The following ASTN2 variants were observed in gnomAD, a reference collection of about 807,000 sequenced individuals.
ASTN2 encodes astrotactin-2.
ASTN2 carries 54 observed loss-of-function variants against 139.8 expected under a neutral mutation model. That is an observed-to-expected ratio of 0.39 (90% CI 0.31 to 0.48). The LOEUF (loss-of-function observed/expected upper bound fraction) is 0.48. ASTN2 is among the 20% of genes least tolerant of loss of function. The pLI is 0.95. For missense variants in ASTN2, 1,565 were observed against 1,725.1 expected (o/e 0.91, Z 1.64); for synonymous variants, 756 against 719.5 (o/e 1.05, Z -0.81).
At position 116,733,554 on chromosome 9, in the gene ASTN2, C is replaced by T. The variant is rs111380470; in HGVS notation, c.2397-31G>A. 2.7e-5 allele frequency: 44 copies of T among 1,613,630 alleles called. 2 individuals carry two copies. Among genetic ancestry groups the T allele is most frequent in the African/African-American group, 1.7e-4 (13 of 75,028 alleles). ...GAGAGGAGCAGAGAGACTGCCAAATCGAGGAAGTGGAGACTGCTGAGGACT... is the reference window on the plus strand; with the variant it reads ...GAGAGGAGCAGAGAGACTGCCAAATTGAGGAAGTGGAGACTGCTGAGGACT... On this transcript the variant is annotated intron_variant, in intron 13 of 22. Transcript: ENST00000313400.
chr9:116,975,948 T>C (rs1329829383), intron 9 of ASTN2, among the ~76,000 whole-genome samples, 166 bp downstream of exon 9: 1 of 152,192 alleles, frequency 6.6e-6, no homozygotes, highest in East Asian at 1.9e-4. Flanking sequence ...TAGATTCCCA[T>C]AGCAACCTGC....
chr9:116,711,595 TAGACTC>T (rs1479231137), intron 16 of ASTN2, among the ~76,000 whole-genome samples: 4 of 152,138 alleles, frequency 2.6e-5, no homozygotes, highest in Admixed American at 1.3e-4. Flanking sequence ...TTAGGAATCT[TAGACTC>T]AGTATATTCA....
intron 10 of ASTN2, among the ~76,000 whole-genome samples, 165 bp downstream of exon 10, chr9:116,975,043 G>C (rs913651684): frequency 7.2e-5 from 11 of 152,198 alleles, no homozygotes; most frequent in African/African-American, 2.2e-4. Flanking sequence ...GAGACACAGT[G>C]ATGGAGGTCA....
chr9:116,620,416 A>G lies in ASTN2; in HGVS notation c.3100T>C (p.Tyr1034His), dbSNP rs1463784626. 1 of 1,614,070 alleles carries G rather than the reference A, an allele frequency of 6.2e-7. No individual in the cohort carries two copies. Among genetic ancestry groups the G allele is most frequent in the Non-Finnish European group, 8.5e-7 (1 of 1,180,018 alleles). The change falls in exon 18 of 23, where the codon TAC (tyrosine) becomes CAC (histidine). Residue 1034 changes from tyrosine to histidine, a missense_variant. Tyr to His is a moderately conservative substitution (Grantham distance 83). Coordinates refer to ENST00000313400, the MANE Select transcript of ASTN2 (RefSeq NM_001365068.1). ...ACATCCCCTTTCCCTGAGCACCAGT[A>G]GGAACTCATCAGTGCACTCTTGAAG... ...EAFKSALMSS[Y>H]WCSGKGDVID...
intron 13 of ASTN2, among the ~76,000 whole-genome samples, chr9:116,750,776 T>G (rs1216746507): frequency 6.6e-6 from 1 of 152,114 alleles, no homozygotes; most frequent in East Asian, 1.9e-4. Context: ...CATTAGCCAG[T>G]TTGCTTCATA....
At chr9:116,615,309 CAG>C (rs1210357506) in intron 19 of ASTN2, among the ~76,000 whole-genome samples, 3 of 152,184 alleles carry the variant, frequency 2.0e-5, no homozygotes, top group Non-Finnish European at 2.9e-5. Context: ...TTGTGGAAGA[CAG>C]TGTGGCGATT....
intron 1 of ASTN2, among the ~76,000 whole-genome samples, chr9:117,317,840 C>T (rs1272612804): frequency 2.6e-5 from 4 of 152,158 alleles, no homozygotes; most frequent in Non-Finnish European, 5.9e-5. Context: ...ACTGGCAGGT[C>T]CCTGACTCCC....
intron 10 of ASTN2, among the ~76,000 whole-genome samples, chr9:116,911,081 T>C (rs1834297358): frequency 6.6e-6 from 1 of 152,230 alleles, no homozygotes; most frequent in African/African-American, 2.4e-5. Context: ...GTGATTTTTA[T>C]AGCAAAGCAA....
chr9:116,767,562 CGT>C (rs1367033787), intron 13 of ASTN2, among the ~76,000 whole-genome samples: 1 of 152,186 alleles, frequency 6.6e-6, no homozygotes, highest in African/African-American at 2.4e-5. Context: ...ACTAATAAAG[CGT>C]GTGGCTGTGA....
In ASTN2 at chr9:116,801,608, A is replaced by G. The variant is rs77965437; in HGVS notation, c.2396+4024T>C. Among the ~76,000 whole-genome samples, 685 of 147,930 alleles carry G rather than the reference A, an allele frequency of 4.6e-3. 10 individuals carry two copies. Among genetic ancestry groups the G allele is most frequent in the African/African-American group, 0.016 (641 of 38,948 alleles). The stretch of plus-strand genomic sequence containing the variant: ...CTCAAAAAAAAAAAAAAAAAAAAAA[A>G]AAAAAGAAAGAAAGAAAAAGAAAGA... On this transcript the variant is annotated intron_variant, in intron 13 of 22. Coordinates refer to ENST00000313400, the MANE Select transcript of ASTN2 (RefSeq NM_001365068.1).
intron 10 of ASTN2, among the ~76,000 whole-genome samples, chr9:116,910,124 T>G (rs1040940628): frequency 3.9e-5 from 6 of 152,170 alleles, no homozygotes; most frequent in East Asian, 1.9e-4. Flanking sequence ...CCAAATTTTT[T>G]GGGGCCTGAG....
At position 116,933,979 on chromosome 9, in the gene ASTN2, C is replaced by CTTTTTTTT. The variant is rs148724828; in HGVS notation, c.1889+41221_1889+41228dup. On this transcript the variant is annotated intron_variant, in intron 10 of 22. Coordinates refer to ENST00000313400, the MANE Select transcript of ASTN2 (RefSeq NM_001365068.1). ...ACCTCAGTTGTGCGAAGTGTTAGTC[C>CTTTTTTTT]TTTTTTTTTTTTTTTTTTTTTTTCT... 1.6e-3 allele frequency among the ~76,000 whole-genome samples: 143 copies of CTTTTTTTT among 86,866 alleles called. 25 individuals carry two copies. The highest frequency in any genetic ancestry group is 2.4e-3 in the African/African-American group (51 of 21,156). The allele number at this position is 86,866 out of a possible 152,430, so 57.0% of individuals were successfully genotyped here.
chr9:117,014,311 G>A (rs1837616941), intron 6 of ASTN2, among the ~76,000 whole-genome samples: 1 of 152,102 alleles, frequency 6.6e-6, no homozygotes, highest in Non-Finnish European at 1.5e-5. Context: ...CTATTTACGG[G>A]GTGGGTGATA....
chr9:116,642,345 G>T (rs901253650), intron 17 of ASTN2, among the ~76,000 whole-genome samples: 1 of 151,746 alleles, frequency 6.6e-6, no homozygotes, highest in Non-Finnish European at 1.5e-5. Flanking sequence ...TTACTGTGCT[G>T]ATTGCTTATT....
rs536683804 is a variant in ASTN2, at chr9:117,170,594, G to C, written c.1016-29116C>G. On this transcript the variant is annotated intron_variant, in intron 3 of 22. Transcript: ENST00000313400. ...CAGGAAAAAGAAGCATGAATTGCTG[G>C]AGTGAGTGCTATTTAAAATGAGAAG... Among the ~76,000 whole-genome samples, 10 of 152,212 alleles carry C rather than the reference G, an allele frequency of 6.6e-5. No homozygotes were observed. The East Asian group carries it at 1.9e-3, about 30-fold the overall frequency.
chr9:117,372,467 A>T (rs974729845), intron 1 of ASTN2, among the ~76,000 whole-genome samples: 2 of 152,170 alleles, frequency 1.3e-5, no homozygotes, highest in African/African-American at 4.8e-5. Context: ...AGAATCCTGA[A>T]TTGGAAGGCT....
intron 19 of ASTN2, among the ~76,000 whole-genome samples, chr9:116,586,501 T>C (rs1417885676): frequency 6.6e-6 from 1 of 152,186 alleles, no homozygotes; most frequent in Non-Finnish European, 1.5e-5. Flanking sequence ...GCATCATAGA[T>C]GCAGCTGGAG....
chr9:116,640,682 G>GC (rs1857283693), intron 17 of ASTN2, among the ~76,000 whole-genome samples: 1 of 152,218 alleles, frequency 6.6e-6, no homozygotes, highest in Non-Finnish European at 1.5e-5. Flanking sequence ...CGCCCAAGCA[G>GC]CCCCTGAGCA....
At chr9:116,454,271 C>T (rs181785179) in intron 20 of ASTN2, among the ~76,000 whole-genome samples, 1 of 152,188 alleles carries the variant, frequency 6.6e-6, no homozygotes, top group East Asian at 1.9e-4. Context: ...AGACTATACC[C>T]TATGACAAAG....
Sources: gnomAD v4.1 joint callset for allele counts (sites outside exome capture counted in the v4.1 genomes callset) on GRCh38, gnomAD v4.1.1 for gene constraint, MANE v1.5 for transcripts, NCBI Gene and HGNC (gene_info 2026-07-23, HGNC 2026-07-21) for gene names.